The following NTN5 variants were observed in gnomAD, a reference collection of about 807,000 sequenced individuals.
NTN5 encodes netrin-5.
NTN5 carries 42 observed loss-of-function variants against 38.7 expected under a neutral mutation model. The ratio of observed to expected loss-of-function variants is 1.08; its 90% CI spans 0.85 to 1.40. NTN5 has a LOEUF of 1.40. NTN5 is among the 40% of genes most tolerant of loss of function. The pLI is 0.00. For missense variants in NTN5, 658 were observed against 716.5 expected (o/e 0.92, Z 0.93); for synonymous variants, 329 against 303.9 (o/e 1.08, Z -0.86).
At chr19:48,666,873 C>A (rs981827237) in intron 2 of NTN5, among the ~76,000 whole-genome samples, 1 of 151,042 alleles carries the variant, frequency 6.6e-6, no homozygotes, top group African/African-American at 2.4e-5. Flanking sequence ...TTTTTAAAGA[C>A]GGGGACTCAT....
At chr19:48,669,632 A>ATCATCACC (rs1568452330) in intron 2 of NTN5, among the ~76,000 whole-genome samples, 1 of 36,742 alleles carries the variant, frequency 2.7e-5, no homozygotes. Context: ...CACCACCACC[A>ATCATCACC]GTCATCACCA....
chr19:48,661,672 C>T lies in NTN5; in HGVS notation c.*5G>A, dbSNP rs1397546908. ...GTTGGTGCTCGAGGCAGCCCCATCT[C>T]ACGTCTAGTGCTCCGGCCTGGGACT... On this transcript the variant is annotated 3_prime_UTR_variant, in exon 7 of 7. Coordinates refer to ENST00000270235, the MANE Select transcript of NTN5 (RefSeq NM_145807.4). The T allele has an allele frequency of 6.5e-7, 1 of 1,537,658 alleles. No homozygotes were observed.
chr19:48,669,591 C>T (rs796704982), intron 2 of NTN5, among the ~76,000 whole-genome samples: 1 of 12,862 alleles, frequency 7.8e-5, no homozygotes, highest in Non-Finnish European at 1.4e-4. Flanking sequence ...ACCACGACCA[C>T]CATCACCACC....
At chr19:48,669,534 C>CAGTAT (rs1568452209) in intron 2 of NTN5, among the ~76,000 whole-genome samples, 12 of 20,954 alleles carry the variant, frequency 5.7e-4, no homozygotes, top group African/African-American at 2.2e-3. Context: ...ACCATCACCA[C>CAGTAT]CACCATCACC....
rs769699417 is a variant in NTN5 at position 48,663,695 on chromosome 19, G to T, written c.1024+66C>A. 1.5e-5 allele frequency: 23 copies of T among 1,555,858 alleles called. No individual in the cohort carries two copies. The South Asian group carries it at 2.3e-4, about 16-fold the overall frequency. ...TGGGTGACCCATGTATCCCCATCTG[G>T]GGACCCAGTCAGCCCATCCTCATTC... On this transcript the variant is annotated intron_variant, in intron 5 of 6. Transcript: ENST00000270235.
chr19:48,669,629 ACCAG>A (rs1256605532), intron 2 of NTN5, among the ~76,000 whole-genome samples: 3 of 402 alleles, frequency 7.5e-3, no homozygotes, highest in African/African-American at 0.018. Context: ...CATCACCACC[ACCAG>A]TCATCACCAT....
intron 2 of NTN5, among the ~76,000 whole-genome samples, chr19:48,665,832 A>C (rs1280052518): frequency 2.6e-5 from 4 of 151,880 alleles, no homozygotes; most frequent in African/African-American, 9.7e-5. Context: ...AAAAAAAAAA[A>C]CAAAAAGAGT....
chr19:48,670,661 G>T lies in NTN5; in HGVS notation c.326C>A (p.Pro109His). Reference sequence around the variant, plus strand: ...GCCCCCTAAGGCCCCAGGCCAGGCGGGCCTGTGCCACAGCAGCCTCCAGGG... The same window carrying T: ...GCCCCCTAAGGCCCCAGGCCAGGCGTGCCTGTGCCACAGCAGCCTCCAGGG... The part of the protein sequence containing the change: ...GGPWRLLWHR[P>H]AWPGALGGPE... The change falls in exon 2 of 7, where the codon CCC becomes CAC. Residue 109 changes from proline (P) to histidine (H), a missense_variant. Transcript: ENST00000270235. 6.2e-7 allele frequency: 1 copy of T among 1,606,892 alleles called. No homozygotes were observed. The highest frequency in any genetic ancestry group is 8.5e-7 in the Non-Finnish European group (1 of 1,177,398).
chr19:48,661,963 T>TAA lies in NTN5; in HGVS notation c.1182_1183dup (p.Tyr395PhefsTer23). On this transcript the variant is annotated frameshift_variant, in exon 7 of 7. Transcript: ENST00000270235. LOFTEE classifies it low-confidence loss of function (END_TRUNC). ...TCGCACGGGCTGCGCCCGCTGCTTG[T>TAA]AAACGGCCAGCACGCGCACGGCCAG... 1 of 1,460,766 alleles carries TAA rather than the reference T, an allele frequency of 6.8e-7. No homozygotes were observed. The highest frequency in any genetic ancestry group is 9.0e-7 in the Non-Finnish European group (1 of 1,114,078). 90.5% of individuals were successfully genotyped at this position (1,460,766 alleles called of 1,614,324 possible).
At chr19:48,663,965 C>T (rs1288820774) in intron 4 of NTN5, 151 bp from the exon 5 acceptor site, 3 of 1,144,874 alleles carry the variant, frequency 2.6e-6, no homozygotes, top group East Asian at 5.1e-5. Flanking sequence ...CCCCAAGCCT[C>T]CTTTTCCTCA....
rs1277820910 is a variant in NTN5, at chr19:48,661,474, G to A, written c.*203C>T. On this transcript the variant is annotated 3_prime_UTR_variant, in exon 7 of 7. Transcript: ENST00000270235. ...GCGGGGAATAAGCCACAGGCCAAAGGAGGAAATGTTGGGACCAGAAGTCCC... is the reference window on the plus strand; with the variant it reads ...GCGGGGAATAAGCCACAGGCCAAAGAAGGAAATGTTGGGACCAGAAGTCCC... 7.8e-6 allele frequency: 4 copies of A among 515,744 alleles called. No individual in the cohort carries two copies. The highest frequency in any genetic ancestry group is 1.3e-5 in the Non-Finnish European group (4 of 317,598). The allele number at this position is 515,744 out of a possible 1,614,324, so 31.9% of individuals were successfully genotyped here. A position where few individuals can be genotyped will look rare whatever the true frequency, so the allele number is the denominator to read the frequency against.
At chr19:48,662,294 G>A (rs2031571021) in intron 6 of NTN5, among the ~76,000 whole-genome samples, 2 of 151,168 alleles carry the variant, frequency 1.3e-5, no homozygotes, top group South Asian at 4.2e-4. Context: ...AGAAGAGGCA[G>A]GTCCAGGGTC....
At chr19:48,670,236 G>T in intron 2 of NTN5, 120 bp downstream of exon 2, 1 of 1,059,998 alleles carries the variant, frequency 9.4e-7, no homozygotes, top group Non-Finnish European at 1.3e-6. Context: ...GTCTGAGACT[G>T]GGGTGAGAGG....
intron 2 of NTN5, among the ~76,000 whole-genome samples, chr19:48,669,721 C>T (rs867404648): frequency 5.4e-4 from 58 of 106,990 alleles, no homozygotes; most frequent in African/African-American, 1.1e-3. Context: ...ACCATCACCA[C>T]CACCACCACC....
intron 2 of NTN5, chr19:48,667,290 A>T (rs2031729931): frequency 4.0e-6 from 1 of 248,078 alleles, no homozygotes; most frequent in East Asian, 1.5e-4. Context: ...CACAGGCATT[A>T]GTCTCACCTG....
Position 48,663,519 on chromosome 19 carries a change from T to C in NTN5, c.1049A>G (p.Asn350Ser). 6.2e-7 allele frequency: 1 copy of C among 1,614,188 alleles called. No individual in the cohort carries two copies. Among genetic ancestry groups the C allele is most frequent in the East Asian group, 2.2e-5 (1 of 44,884 alleles). Residue 350 changes from asparagine (N) to serine (S), a missense_variant, in exon 6 of 7, where the codon AAT (asparagine) becomes AGT (serine). By Grantham distance (46) the Asn-to-Ser change is conservative. Coordinates refer to ENST00000270235, the MANE Select transcript of NTN5 (RefSeq NM_145807.4). ...SSDPQCQNYC[N>S]MSDTRVHMSL... Reference sequence around the variant, plus strand: ...CATGTGTACCCTGGTGTCCGACATATTGCAGTAGTTTTGACACTGAGGGTC... The same window carrying C: ...CATGTGTACCCTGGTGTCCGACATACTGCAGTAGTTTTGACACTGAGGGTC...
chr19:48,661,820 G>C lies in NTN5; in HGVS notation c.1327C>G (p.Arg443Gly). 1 of 1,340,390 alleles carries C rather than the reference G, an allele frequency of 7.5e-7. No individual in the cohort carries two copies. Among genetic ancestry groups the C allele is most frequent in the Non-Finnish European group, 9.5e-7 (1 of 1,051,710 alleles). 83.0% of individuals were successfully genotyped at this position (1,340,390 alleles called of 1,614,324 possible). ...AGGCCGTGGCGGTCGAGGATGAGGC[G>C]CGTGGGGTCGGGGTCGCCCACGGCG... ...GSAVGDPDPT[R>G]LILDRHGLAL... is the part of the protein sequence containing the mutation. The change falls in exon 7 of 7, where the codon CGC becomes GGC. Residue 443 changes from arginine to glycine, a missense_variant. By Grantham distance (125) the Arg-to-Gly change is moderately radical. Coordinates refer to ENST00000270235, the MANE Select transcript of NTN5 (RefSeq NM_145807.4).
intron 2 of NTN5, among the ~76,000 whole-genome samples, chr19:48,669,820 C>G: frequency 6.3e-5 from 8 of 127,894 alleles, no homozygotes; most frequent in South Asian, 2.6e-4. Context: ...TCACCATCAC[C>G]ACCACCACCA....
Position 48,661,823 on chromosome 19 carries a change from TG to T in NTN5, c.1323del (p.Thr442ArgfsTer22). 1.5e-6 allele frequency: 2 copies of T among 1,339,484 alleles called. No homozygotes were observed. The highest frequency in any genetic ancestry group is 1.9e-6 in the Non-Finnish European group (2 of 1,051,190). The allele number at this position is 1,339,484 out of a possible 1,614,324, so 83.0% of individuals were successfully genotyped here. A position where few individuals can be genotyped will look rare whatever the true frequency, so the allele number is the denominator to read the frequency against. ...CCGTGGCGGTCGAGGATGAGGCGCG[TG>T]GGGTCGGGGTCGCCCACGGCGCTGC... ...LLGSAVGDPDPTRLILDRHGL... is the reference protein window; with the variant it reads ...LLGSAVGDPDXTRLILDRHGL... On this transcript the variant is annotated frameshift_variant, in exon 7 of 7. Transcript: ENST00000270235. LOFTEE classifies it low-confidence loss of function (END_TRUNC).
Sources: gnomAD v4.1 joint callset for allele counts (sites outside exome capture counted in the v4.1 genomes callset) on GRCh38, gnomAD v4.1.1 for gene constraint, MANE v1.5 for transcripts, NCBI Gene and HGNC (gene_info 2026-07-23, HGNC 2026-07-21) for gene names.